MACROD2: variants seen among roughly 807,000 people sequenced by gnomAD.
MACROD2 encodes ADP-ribose glycohydrolase MACROD2.
In MACROD2, 36 loss-of-function variants were observed where a neutral mutation model predicts 70.4. The ratio of observed to expected loss-of-function variants is 0.51; its 90% CI spans 0.39 to 0.68. MACROD2 has a LOEUF of 0.68. MACROD2 is among the 30% of genes least tolerant of loss of function. The pLI is 0.00. For missense variants in MACROD2, 496 were observed against 538.4 expected, an observed-to-expected ratio of 0.92 and a Z score of 0.78; for synonymous variants, 172 against 178.8, an observed-to-expected ratio of 0.96 and a Z score of 0.30.
intron 6 of MACROD2, among the ~76,000 whole-genome samples, chr20:15,248,471 C>T (rs1362027217): frequency 2.0e-5 from 3 of 152,116 alleles, no homozygotes; most frequent in African/African-American, 7.2e-5. Context: ...TCACCCTTTG[C>T]TCTTCTTGCA....
chr20:14,419,643 A>G (rs911623928), intron 3 of MACROD2, among the ~76,000 whole-genome samples: 1 of 152,194 alleles, frequency 6.6e-6, no homozygotes, highest in Non-Finnish European at 1.5e-5. Flanking sequence ...TTTAAATTAT[A>G]AAATAAGGCA....
chr20:14,519,351 A>G (rs763414621), intron 4 of MACROD2, among the ~76,000 whole-genome samples: 85 of 152,160 alleles, frequency 5.6e-4, no homozygotes, highest in Middle Eastern at 3.2e-3. Context: ...TAAGATCAGA[A>G]TGTGTAGGGT....
intron 3 of MACROD2, among the ~76,000 whole-genome samples, chr20:14,392,139 G>A (rs545095448): frequency 6.7e-6 from 1 of 150,236 alleles, no homozygotes; most frequent in African/African-American, 2.5e-5. Context: ...TAGACTTTCT[G>A]AGTCCTAAAT....
chr20:14,541,402 T>C (rs1055995404), intron 4 of MACROD2, among the ~76,000 whole-genome samples: 7 of 152,114 alleles, frequency 4.6e-5, no homozygotes, highest in Admixed American at 2.0e-4. Context: ...GGGGAAGTCT[T>C]CTCCGACCAT....
At chr20:15,076,782 C>T (rs1053307046) in intron 5 of MACROD2, among the ~76,000 whole-genome samples, 2 of 151,966 alleles carry the variant, frequency 1.3e-5, no homozygotes, top group African/African-American at 4.8e-5. Flanking sequence ...GATCTAATAT[C>T]CATACAGGTT....
chr20:14,757,729 C>A, intron 5 of MACROD2: 1 of 1,525,142 alleles, frequency 6.6e-7, no homozygotes, highest in South Asian at 1.1e-5. Flanking sequence ...CCCGAGGCTA[C>A]GTGAAGGCAC....
At chr20:14,664,665 C>T (rs1568727447) in intron 4 of MACROD2, among the ~76,000 whole-genome samples, 2 of 152,102 alleles carry the variant, frequency 1.3e-5, no homozygotes, top group South Asian at 2.1e-4. Flanking sequence ...GCACAAGTAC[C>T]TCTGATATTA....
intron 3 of MACROD2, among the ~76,000 whole-genome samples, chr20:14,258,990 T>C (rs2082080126): frequency 6.6e-6 from 1 of 152,242 alleles, no homozygotes; most frequent in South Asian, 2.1e-4. Context: ...TTACCCAGGC[T>C]GGAGTGCAGT....
At chr20:14,862,246 T>C (rs1367615482) in intron 5 of MACROD2, among the ~76,000 whole-genome samples, 2 of 34,996 alleles carry the variant, frequency 5.7e-5, no homozygotes, top group African/African-American at 2.3e-4. Context: ...TATATTTATA[T>C]ATTAATATAT....
chr20:15,928,948 AT>A (rs886584431), intron 10 of MACROD2, among the ~76,000 whole-genome samples: 7 of 152,096 alleles, frequency 4.6e-5, no homozygotes, highest in East Asian at 1.9e-4. Flanking sequence ...AAGAGTGCTA[AT>A]TTTTTTTAAA....
At chr20:15,492,511 C>T (rs1395550628) in intron 7 of MACROD2, among the ~76,000 whole-genome samples, 1 of 152,156 alleles carries the variant, frequency 6.6e-6, no homozygotes, top group Admixed American at 6.5e-5. Flanking sequence ...ATCCCCACAA[C>T]AGAACTTGTG....
intron 3 of MACROD2, among the ~76,000 whole-genome samples, chr20:14,291,511 G>A (rs934304651): frequency 6.6e-6 from 1 of 151,886 alleles, no homozygotes. Context: ...TGCCTTAAGT[G>A]CAAGATGTGT....
intron 10 of MACROD2, among the ~76,000 whole-genome samples, chr20:15,921,766 G>A (rs1480987583): frequency 6.6e-6 from 1 of 152,250 alleles, no homozygotes; most frequent in African/African-American, 2.4e-5. Flanking sequence ...AGGGCCAGCA[G>A]TTGATCTGGG....
intron 8 of MACROD2, among the ~76,000 whole-genome samples, chr20:15,860,438 A>C (rs892923124): frequency 5.3e-5 from 8 of 152,140 alleles, no homozygotes; most frequent in Non-Finnish European, 8.8e-5. Context: ...GGGGGAAAAA[A>C]GTCAACAATC....
At chr20:15,624,114 G>A (rs1057403352) in intron 8 of MACROD2, among the ~76,000 whole-genome samples, 4 of 152,158 alleles carry the variant, frequency 2.6e-5, no homozygotes, top group East Asian at 1.9e-4. Flanking sequence ...AGAGCCCCTG[G>A]CAAACCACTG....
chr20:14,082,181 T>TTC (rs1555916957), intron 2 of MACROD2, among the ~76,000 whole-genome samples: 11 of 126,616 alleles, frequency 8.7e-5, no homozygotes, highest in Admixed American at 2.4e-4. Flanking sequence ...TTTTTTCTTT[T>TTC]TTTTTTTTTT....
chr20:14,174,825 C>T (rs149420440), intron 3 of MACROD2, among the ~76,000 whole-genome samples: 33 of 152,302 alleles, frequency 2.2e-4, no homozygotes, highest in African/African-American at 7.2e-4. Context: ...AAATGGCTTC[C>T]CTGGGGACCA....
At chr20:15,924,602 A>C (rs2065461144) in intron 10 of MACROD2, among the ~76,000 whole-genome samples, 2 of 152,102 alleles carry the variant, frequency 1.3e-5, no homozygotes, top group South Asian at 4.1e-4. Flanking sequence ...CCTTCTGTCA[A>C]CTCCTAAAGG....
At chr20:14,641,044 T>G (rs1985061223) in intron 4 of MACROD2, among the ~76,000 whole-genome samples, 1 of 152,240 alleles carries the variant, frequency 6.6e-6, no homozygotes, top group Admixed American at 6.5e-5. Context: ...TAGAACTTCT[T>G]TCAAAATTTG....
Sources: allele counts gnomAD v4.1 joint callset (sites outside exome capture counted in the v4.1 genomes callset), GRCh38; gene constraint gnomAD v4.1.1; transcripts MANE v1.5; gene names NCBI Gene and HGNC (gene_info 2026-07-23, HGNC 2026-07-21).